GOLGA5: variants seen among roughly 807,000 people sequenced by gnomAD.
The protein encoded by GOLGA5 is golgin A5.
Under a neutral mutation model 93.5 loss-of-function variants are expected in GOLGA5, and 50 were observed. That is an observed-to-expected ratio of 0.53 (90% CI 0.43 to 0.68). The LOEUF (loss-of-function observed/expected upper bound fraction) is 0.68, where lower values mean the gene tolerates loss of function less well. Ranked by LOEUF, GOLGA5 falls within the 30% of genes least tolerant of loss-of-function variation. The pLI is 0.00. For missense variants in GOLGA5, 760 were observed against 856.4 expected (o/e 0.89, Z 1.40); for synonymous variants, 312 against 304.5 (o/e 1.02, Z -0.26).
chr14:92,796,067 G>T (rs909596868), intron 1 of GOLGA5, among the ~76,000 whole-genome samples: 10 of 152,188 alleles, frequency 6.6e-5, no homozygotes, highest in Non-Finnish European at 1.5e-4. Context: ...AGCTTAATGT[G>T]CACATGGTAG....
intron 2 of GOLGA5, among the ~76,000 whole-genome samples, chr14:92,802,406 T>G (rs1884893062): frequency 6.6e-6 from 1 of 152,168 alleles, no homozygotes; most frequent in Non-Finnish European, 1.5e-5. Context: ...GGACATAAAT[T>G]TAGATTTTCA....
chr14:92,835,371 T>C (rs534650706), intron 10 of GOLGA5, among the ~76,000 whole-genome samples, 188 bp from the exon 11 acceptor site: 53 of 152,344 alleles, frequency 3.5e-4, no homozygotes, highest in Non-Finnish European at 6.5e-4. Context: ...TTGTTGTGGA[T>C]ATGGATGTTT....
In GOLGA5 at chr14:92,816,378, A is replaced by G. The variant is rs1380436185; in HGVS notation, c.1448A>G (p.Gln483Arg). 3 of 1,614,022 alleles carry G rather than the reference A, an allele frequency of 1.9e-6. No individual in the cohort carries two copies. Among genetic ancestry groups the G allele is most frequent in the Non-Finnish European group, 1.7e-6 (2 of 1,179,988 alleles). Reference protein sequence around the residue: ...HEKEMQREEIQKLMGQIHQLR... With the variant: ...HEKEMQREEIRKLMGQIHQLR... Reference sequence around the variant, plus strand: ...AAAGAGATGCAGAGGGAGGAAATACAGAAGCTGATGGGCCAGATACATCAG... The same window carrying G: ...AAAGAGATGCAGAGGGAGGAAATACGGAAGCTGATGGGCCAGATACATCAG... The change falls in exon 7 of 13, where the codon CAG becomes CGG. Residue 483 changes from glutamine (Q) to arginine (R), a missense_variant. Physicochemically the swap from Gln to Arg is conservative, Grantham distance 43. Transcript: ENST00000163416.
intron 3 of GOLGA5, 80 bp from the exon 4 acceptor site, chr14:92,809,220 A>T (rs1885053919): frequency 2.2e-6 from 2 of 897,976 alleles, no homozygotes; most frequent in Non-Finnish European, 3.5e-6. Flanking sequence ...TACTAAAGGC[A>T]CTCAAAGTAG....
intron 6 of GOLGA5, among the ~76,000 whole-genome samples, chr14:92,814,471 C>T (rs147135214): frequency 2.8e-4 from 42 of 151,962 alleles, no homozygotes; most frequent in Admixed American, 1.3e-3. Context: ...TTCCGGGGTG[C>T]GCTGGGAGCT....
At chr14:92,824,774 T>C in intron 9 of GOLGA5, 130 bp downstream of exon 9, 1 of 589,278 alleles carries the variant, frequency 1.7e-6, no homozygotes, top group Non-Finnish European at 3.0e-6. Flanking sequence ...ACAAAAGTTC[T>C]TTTCAACCTG....
intron 6 of GOLGA5, among the ~76,000 whole-genome samples, chr14:92,813,930 T>TA (rs1369287199): frequency 1.3e-5 from 2 of 151,588 alleles, no homozygotes; most frequent in Non-Finnish European, 2.9e-5. Flanking sequence ...GAGATTTAAC[T>TA]GGAAGGATGG....
intron 9 of GOLGA5, among the ~76,000 whole-genome samples, chr14:92,829,564 G>C (rs1885486046): frequency 6.6e-6 from 1 of 152,178 alleles, no homozygotes; most frequent in Non-Finnish European, 1.5e-5. Flanking sequence ...TGAAGATGTG[G>C]CTAAATTGCT....
In GOLGA5 at chr14:92,816,308, A is replaced by G; in HGVS notation, c.1378A>G (p.Ser460Gly). 6.2e-7 allele frequency: 1 copy of G among 1,613,900 alleles called. No individual in the cohort carries two copies. ...AGGCTCTGGTTTTGAAGGCCTAGAT[A>G]GCAGCACTGCCAGTAGCATGGAGCT... is the stretch of plus-strand genomic sequence containing the variant. Reference protein sequence around the residue: ...KEGSGFEGLDSSTASSMELEE... With the variant: ...KEGSGFEGLDGSTASSMELEE... Residue 460 changes from serine to glycine, a missense_variant, in exon 7 of 13, where the codon AGC becomes GGC. Physicochemically the swap from Ser to Gly is moderately conservative, Grantham distance 56. Transcript: ENST00000163416.
chr14:92,819,434 G>A (rs77272336), intron 7 of GOLGA5, among the ~76,000 whole-genome samples: 9,960 of 150,670 alleles, frequency 0.066, 392 homozygotes, highest in Middle Eastern at 0.12. Context: ...TTTGCAACCA[G>A]CCTGTGCAAT....
chr14:92,804,086 A>G lies in GOLGA5; in HGVS notation c.545-2650A>G, dbSNP rs552236940. On this transcript the variant is annotated intron_variant, in intron 2 of 12. Transcript: ENST00000163416. ...TTATAGTTTTTAAGATGGATATACA[A>G]CTCATTAGTTTTCTTCCTTCCTGCC... Among the ~76,000 whole-genome samples the G allele has an allele frequency of 3.3e-5, 5 of 152,102 alleles. No homozygotes were observed. The South Asian group carries it at 8.3e-4, about 25-fold the overall frequency.
At chr14:92,797,145 C>A (rs2896222) in intron 1 of GOLGA5, among the ~76,000 whole-genome samples, 10,066 of 151,740 alleles carry the variant, frequency 0.066, 398 homozygotes, top group Middle Eastern at 0.11. Flanking sequence ...AAAATGAGTG[C>A]TTATTATGTG....
At position 92,809,338 on chromosome 14, in the gene GOLGA5, G is replaced by A. The variant is rs1369913599; in HGVS notation, c.811G>A (p.Ala271Thr). 1.2e-6 allele frequency: 2 copies of A among 1,613,494 alleles called. No individual in the cohort carries two copies. The highest frequency in any genetic ancestry group is 1.7e-6 in the Non-Finnish European group (2 of 1,179,424). The change falls in exon 4 of 13, where the codon GCT becomes ACT. Residue 271 changes from alanine to threonine, a missense_variant. Transcript: ENST00000163416. The stretch of plus-strand genomic sequence containing the variant: ...AAGAGCAAGAGTTGAAAAGTGGAAT[G>A]CTGACCATTCAAAGAGTGATCGAAT... ...KARARVEKWN[A>T]DHSKSDRMTR...
At chr14:92,800,505 G>A (rs1190324608) in intron 2 of GOLGA5, among the ~76,000 whole-genome samples, 2 of 152,238 alleles carry the variant, frequency 1.3e-5, no homozygotes, top group Non-Finnish European at 2.9e-5. Context: ...GTTGGGACCT[G>A]TTTGTGAAGG....
intron 7 of GOLGA5, 53 bp from the exon 8 acceptor site, chr14:92,819,655 A>C (rs1056379184): frequency 1.3e-6 from 2 of 1,571,318 alleles, no homozygotes; most frequent in Admixed American, 3.4e-5. Flanking sequence ...TGCTCAATAA[A>C]TGTTGAACTG....
chr14:92,826,061 A>G (rs934311581), intron 9 of GOLGA5, among the ~76,000 whole-genome samples: 1 of 151,954 alleles, frequency 6.6e-6, no homozygotes, highest in Admixed American at 6.5e-5. Flanking sequence ...AGGCTAAGAC[A>G]TAAGGATCAC....
chr14:92,825,756 T>C (rs1330591966), intron 9 of GOLGA5, among the ~76,000 whole-genome samples: 2 of 150,076 alleles, frequency 1.3e-5, no homozygotes, highest in African/African-American at 4.9e-5. Context: ...ACTCAGAGGC[T>C]GATATGGGAG....
At chr14:92,819,676 A>G (rs1350687638) in intron 7 of GOLGA5, 32 bp from the exon 8 acceptor site, 1 of 1,604,556 alleles carries the variant, frequency 6.2e-7, no homozygotes, top group Non-Finnish European at 8.5e-7. Context: ...AATGTTAATT[A>G]TTGCTTTTAC....
At chr14:92,825,828 C>A (rs1233863694) in intron 9 of GOLGA5, among the ~76,000 whole-genome samples, 2 of 130,598 alleles carry the variant, frequency 1.5e-5, no homozygotes, top group African/African-American at 5.9e-5. Context: ...TACACTCCAC[C>A]TTGAGTGACA....
Sources: gnomAD v4.1 joint callset for allele counts (sites outside exome capture counted in the v4.1 genomes callset) on GRCh38, gnomAD v4.1.1 for gene constraint, MANE v1.5 for transcripts, NCBI Gene and HGNC (gene_info 2026-07-23, HGNC 2026-07-21) for gene names.